Variants in CABCOCO1 observed in about 807,000 individuals in gnomAD.
CABCOCO1 encodes ciliary associated calcium binding coiled-coil 1.
A neutral mutation model predicts 35.7 loss-of-function variants in CABCOCO1; 28 were observed. That is an observed-to-expected ratio of 0.78 (90% CI 0.58 to 1.07). The LOEUF is 1.07. CABCOCO1 is among the 50% of genes least tolerant of loss of function. The pLI is 0.00. For synonymous variants in CABCOCO1, 95 were observed against 100.1 expected (o/e 0.95, Z 0.30); for missense variants, 326 against 309.2 (o/e 1.05, Z -0.41).
intron 5 of CABCOCO1, among the ~76,000 whole-genome samples, chr10:61,752,731 A>G (rs1282663591): frequency 6.6e-6 from 1 of 152,210 alleles, no homozygotes; most frequent in Non-Finnish European, 1.5e-5. Flanking sequence ...AGAAATAATA[A>G]TATTAGGTTG....
At chr10:61,684,191 G>T (rs921291634) in intron 3 of CABCOCO1, among the ~76,000 whole-genome samples, 2 of 152,306 alleles carry the variant, frequency 1.3e-5, no homozygotes, top group Admixed American at 6.5e-5. Context: ...ATAATTCAGT[G>T]TATCTGACAT....
At position 61,663,251 on chromosome 10, in the gene CABCOCO1, C is replaced by A. The variant is rs766644389; in HGVS notation, c.60+219C>A. 72 of 162,344 alleles carry A rather than the reference C, an allele frequency of 4.4e-4. No individual in the cohort carries two copies. The Middle Eastern group carries it at 0.017, about 39-fold the overall frequency. 10.1% of individuals were successfully genotyped at this position (162,344 alleles called of 1,614,324 possible). ...CAGCCCGGCGCCCCCCAGCCGGCCC[C>A]GGCGCGCCGTGCACGGTGCCAGCGG... On this transcript the variant is annotated intron_variant, in intron 1 of 7. Coordinates refer to ENST00000648843, the MANE Select transcript of CABCOCO1 (RefSeq NM_001366906.2).
At chr10:61,716,291 AG>A (rs1369017963) in intron 5 of CABCOCO1, among the ~76,000 whole-genome samples, 1 of 152,218 alleles carries the variant, frequency 6.6e-6, no homozygotes, top group Non-Finnish European at 1.5e-5. Context: ...GGGTTGCAAC[AG>A]GGAGGAAGCA....
chr10:61,671,502 A>G (rs1052952818), intron 1 of CABCOCO1, among the ~76,000 whole-genome samples: 5 of 152,148 alleles, frequency 3.3e-5, no homozygotes, highest in Non-Finnish European at 7.4e-5. Flanking sequence ...CAAAGAGGAT[A>G]TCTTTGTCTA....
At chr10:61,682,144 T>G (rs1355222515) in intron 3 of CABCOCO1, among the ~76,000 whole-genome samples, 1 of 152,188 alleles carries the variant, frequency 6.6e-6, no homozygotes, top group Admixed American at 6.5e-5. Context: ...AAGATATTTC[T>G]TTTTTAAACT....
At chr10:61,723,256 T>TA (rs1387256306) in intron 5 of CABCOCO1, among the ~76,000 whole-genome samples, 1 of 152,176 alleles carries the variant, frequency 6.6e-6, no homozygotes, top group East Asian at 1.9e-4. Flanking sequence ...TGATAAACAC[T>TA]AAAAAAGACT....
chr10:61,677,068 A>AAATAATAATAATAAT (rs60978110), intron 2 of CABCOCO1, among the ~76,000 whole-genome samples: 2 of 144,302 alleles, frequency 1.4e-5, no homozygotes, highest in African/African-American at 5.0e-5. Flanking sequence ...CTGTCTCAAA[A>AAATAATAATAATAAT]AATAATAATA....
chr10:61,725,347 T>G (rs1046379548), intron 5 of CABCOCO1, among the ~76,000 whole-genome samples: 1 of 152,070 alleles, frequency 6.6e-6, no homozygotes, highest in East Asian at 1.9e-4. Flanking sequence ...TAGCAAAAAC[T>G]TGGAACCAAC....
intron 5 of CABCOCO1, among the ~76,000 whole-genome samples, chr10:61,742,875 C>T (rs561443276): frequency 5.8e-4 from 88 of 152,218 alleles, no homozygotes; most frequent in African/African-American, 2.0e-3. Context: ...GGTTTCTGTA[C>T]TCTTCTAGTC....
intron 2 of CABCOCO1, among the ~76,000 whole-genome samples, chr10:61,678,147 A>G (rs1839581113): frequency 6.6e-6 from 1 of 152,028 alleles, no homozygotes; most frequent in Non-Finnish European, 1.5e-5. Flanking sequence ...AAGAATTTAT[A>G]CTTCCTCTAC....
chr10:61,698,788 A>C (rs1840361457), intron 5 of CABCOCO1, among the ~76,000 whole-genome samples: 2 of 152,168 alleles, frequency 1.3e-5, no homozygotes, highest in South Asian at 4.1e-4. Context: ...TTCTTTCTTT[A>C]AACTATAAAG....
intron 5 of CABCOCO1, among the ~76,000 whole-genome samples, chr10:61,729,359 G>GA (rs984420469): frequency 1.2e-4 from 18 of 151,092 alleles, no homozygotes; most frequent in East Asian, 3.9e-4. Context: ...AGGTATATGG[G>GA]AAAAAAAAAT....
chr10:61,745,753 G>C (rs758383835), intron 5 of CABCOCO1, among the ~76,000 whole-genome samples: 1 of 152,194 alleles, frequency 6.6e-6, no homozygotes, highest in African/African-American at 2.4e-5. Flanking sequence ...TACTGGCAGA[G>C]GGTCACAGCA....
intron 5 of CABCOCO1, among the ~76,000 whole-genome samples, chr10:61,719,669 CCCA>C (rs1564546582): frequency 6.6e-6 from 1 of 152,036 alleles, no homozygotes; most frequent in Non-Finnish European, 1.5e-5. Flanking sequence ...TGCCTGTAAT[CCCA>C]CCACTTTGGG....
intron 1 of CABCOCO1, among the ~76,000 whole-genome samples, chr10:61,668,751 T>C (rs1415800937): frequency 6.6e-6 from 1 of 151,940 alleles, no homozygotes; most frequent in Non-Finnish European, 1.5e-5. Context: ...GCTTTTTAGC[T>C]TCATAGCAAG....
chr10:61,709,589 T>C (rs972741357), intron 5 of CABCOCO1, among the ~76,000 whole-genome samples: 1 of 151,706 alleles, frequency 6.6e-6, no homozygotes, highest in African/African-American at 2.4e-5. Context: ...CTAAAAGAAA[T>C]GCCAATAACC....
In CABCOCO1 at chr10:61,716,992, G is replaced by GA. The variant is rs1179933755; in HGVS notation, c.552+26378dup. On this transcript the variant is annotated intron_variant, in intron 5 of 7. Coordinates refer to ENST00000648843, the MANE Select transcript of CABCOCO1 (RefSeq NM_001366906.2). The stretch of plus-strand genomic sequence containing the variant: ...TATTTTACCAGACTCACATTGGGGA[G>GA]AAAAAAAGAAAAGAAAAAGAAAATA... Among the ~76,000 whole-genome samples the GA allele has an allele frequency of 2.0e-5, 3 of 151,728 alleles. 1 individual carries two copies. Among genetic ancestry groups the GA allele is most frequent in the South Asian group, 4.2e-4 (2 of 4,810 alleles).
intron 5 of CABCOCO1, among the ~76,000 whole-genome samples, chr10:61,709,337 C>T (rs36055772): frequency 0.016 from 2,373 of 151,970 alleles, 40 homozygotes; most frequent in East Asian, 0.046. Context: ...TTGGAATAAA[C>T]AAAAAGCTTA....
At chr10:61,671,956 T>G (rs1384373076) in intron 1 of CABCOCO1, among the ~76,000 whole-genome samples, 2 of 152,232 alleles carry the variant, frequency 1.3e-5, no homozygotes, top group Non-Finnish European at 2.9e-5. Context: ...ATCATTAAAT[T>G]TAAGATTGCC....
Sources: allele counts gnomAD v4.1 joint callset (sites outside exome capture counted in the v4.1 genomes callset), GRCh38; gene constraint gnomAD v4.1.1; transcripts MANE v1.5; gene names NCBI Gene and HGNC (gene_info 2026-07-23, HGNC 2026-07-21).